The following TRAF7 variants were observed in gnomAD, a reference collection of about 807,000 sequenced individuals.
TRAF7 encodes E3 ubiquitin-protein ligase TRAF7.
In TRAF7, 45 loss-of-function variants were observed where a neutral mutation model predicts 89.3. The observed-to-expected ratio is 0.50, with a 90% CI of 0.40 to 0.65. The LOEUF is 0.65. TRAF7 is among the 30% of genes least tolerant of loss of function. The pLI, the probability that TRAF7 is intolerant of heterozygous loss-of-function variation, is 0.00. For missense variants in TRAF7, 677 were observed against 918.1 expected (o/e 0.74, Z 3.39); for synonymous variants, 406 against 369.2 (o/e 1.10, Z -1.14).
intron 5 of TRAF7, 147 bp from the exon 6 acceptor site, chr16:2,171,117 C>A: frequency 3.0e-6 from 2 of 660,688 alleles, no homozygotes; most frequent in Middle Eastern, 4.1e-4. Flanking sequence ...CCCGATCAAG[C>A]CCCCCAGCTC....
Position 2,176,707 on chromosome 16 carries a change from A to G in TRAF7, c.*133A>G. The G allele has an allele frequency of 7.4e-7, 1 of 1,350,810 alleles. No individual in the cohort carries two copies. Among genetic ancestry groups the G allele is most frequent in the Non-Finnish European group, 1.0e-6 (1 of 962,178 alleles). 83.7% of individuals were successfully genotyped at this position (1,350,810 alleles called of 1,614,324 possible). ...GGTGGACAGGCTCTGGCAGCCGGGC[A>G]GTGCCCTCCCCGTCCCATGCTCGGC... On this transcript the variant is annotated 3_prime_UTR_variant, in exon 21 of 21. Transcript: ENST00000326181.
rs957552585 is a variant in TRAF7, at chr16:2,163,477, C to T, written c.-38-406C>T. Reference sequence around the variant, plus strand: ...GTCCCTGTGTGACTGCGTCCCGCCACGTGGGCCACACCCTGGGCCTACCCA... The same window carrying T: ...GTCCCTGTGTGACTGCGTCCCGCCATGTGGGCCACACCCTGGGCCTACCCA... On this transcript the variant is annotated intron_variant, in intron 1 of 20. Coordinates refer to ENST00000326181, the MANE Select transcript of TRAF7 (RefSeq NM_032271.3). This position sits in a 1 kb window ranked among gnomAD's most constrained non-coding sequence, Gnocchi z 4.3. The T allele has an allele frequency of 5.5e-5, 11 of 201,646 alleles. No individual in the cohort carries two copies. The highest frequency in any genetic ancestry group is 3.7e-4 in the Admixed American group (7 of 18,782). 12.5% of individuals were successfully genotyped at this position (201,646 alleles called of 1,614,324 possible).
At position 2,174,352 on chromosome 16, in the gene TRAF7, G is replaced by A. The variant is rs372081078; in HGVS notation, c.1346+19G>A. 20 of 1,605,150 alleles carry A rather than the reference G, an allele frequency of 1.2e-5. No individual in the cohort carries two copies. The African/African-American group carries it at 1.7e-4, about 14-fold the overall frequency. On this transcript the variant is annotated intron_variant, in intron 14 of 20. Coordinates refer to ENST00000326181, the MANE Select transcript of TRAF7 (RefSeq NM_032271.3). ...TCCAGGGGTGAGTCCAGGCACATGT[G>A]TGATCAGTGATTCCCAGGACAGGAG... is the stretch of plus-strand genomic sequence containing the variant.
At position 2,177,027 on chromosome 16, in the gene TRAF7, G is replaced by T; in HGVS notation, c.*453G>T. The T allele has an allele frequency of 3.1e-6, 1 of 324,778 alleles. No homozygotes were observed. The highest frequency in any genetic ancestry group is 2.0e-5 in the African/African-American group (1 of 48,976). 20.1% of individuals were successfully genotyped at this position (324,778 alleles called of 1,614,324 possible). On this transcript the variant is annotated 3_prime_UTR_variant, in exon 21 of 21. Transcript: ENST00000326181. ...CAGGCACTGGCTGCTGTGAGTGGGG[G>T]GGCATGGGGCAGTTTCCTTTGGTGG...
intron 2 of TRAF7, among the ~76,000 whole-genome samples, 164 bp downstream of exon 2, chr16:2,164,165 C>T (rs112501802): frequency 0.098 from 8,611 of 88,248 alleles, 830 homozygotes; most frequent in African/African-American, 0.33. Context: ...TGTGTGCGCG[C>T]GCGCGCGCGC....
chr16:2,165,681 G>A (rs991703514), intron 2 of TRAF7, among the ~76,000 whole-genome samples, 198 bp from the exon 3 acceptor site: 80 of 146,740 alleles, frequency 5.5e-4, no homozygotes, highest in Admixed American at 1.9e-3. Context: ...ATGGTTAAGC[G>A]TGTTAGCGCT....
rs928189919 is a variant in TRAF7 at position 2,177,788 on chromosome 16, G to T, written c.*1214G>T. On this transcript the variant is annotated 3_prime_UTR_variant, in exon 21 of 21. Coordinates refer to ENST00000326181, the MANE Select transcript of TRAF7 (RefSeq NM_032271.3). ...GCCAGGAGGAGGACACGGCCGCCGA[G>T]AGCAAGGCACAACCTCGAGTTCTTG... is the stretch of plus-strand genomic sequence containing the variant. The T allele has an allele frequency of 4.9e-5, 12 of 245,916 alleles. No individual in the cohort carries two copies. The highest frequency in any genetic ancestry group is 2.7e-4 in the African/African-American group (12 of 45,210). 15.2% of individuals were successfully genotyped at this position (245,916 alleles called of 1,614,324 possible).
chr16:2,164,130 G>T (rs945671126), intron 2 of TRAF7, 129 bp downstream of exon 2: 7 of 747,270 alleles, frequency 9.4e-6, no homozygotes, highest in Admixed American at 8.8e-5. Context: ...GCTCGGTGGG[G>T]GGGGGTGTGG....
At chr16:2,166,821 G>C (rs560127635) in intron 3 of TRAF7, among the ~76,000 whole-genome samples, 1 of 152,244 alleles carries the variant, frequency 6.6e-6, no homozygotes, top group East Asian at 1.9e-4. Flanking sequence ...GAACGCAAGC[G>C]CCGTGCTCAG....
At chr16:2,175,651 G>C (rs751218294) in intron 17 of TRAF7, 29 bp downstream of exon 17, 7 of 1,605,906 alleles carry the variant, frequency 4.4e-6, no homozygotes, top group Non-Finnish European at 5.1e-6. Flanking sequence ...GGTGGCCACA[G>C]GGCCTTGCCT....
At position 2,173,416 on chromosome 16, in the gene TRAF7, G is replaced by A; in HGVS notation, c.1012+17G>A. 1 of 1,612,622 alleles carries A rather than the reference G, an allele frequency of 6.2e-7. No homozygotes were observed. Among genetic ancestry groups the A allele is most frequent in the Non-Finnish European group, 8.5e-7 (1 of 1,179,354 alleles). ...TCAAGTTTGGTGAGGGTGGGCACCG[G>A]GGCAGGCAGGGGCCTGGCCACTGCT... On this transcript the variant is annotated intron_variant, in intron 10 of 20. Transcript: ENST00000326181.
chr16:2,166,507 C>A (rs755808213), intron 3 of TRAF7, among the ~76,000 whole-genome samples: 4 of 152,160 alleles, frequency 2.6e-5, no homozygotes, highest in Admixed American at 2.6e-4. Context: ...CTCCTGGGAT[C>A]AGTCCTGCCA....
chr16:2,173,110 T>A (rs1429139641), intron 9 of TRAF7, 72 bp from the exon 10 acceptor site: 1 of 1,434,802 alleles, frequency 7.0e-7, no homozygotes, highest in Non-Finnish European at 9.5e-7. Context: ...CTGGAGCATT[T>A]GAGGGGGATT....
intron 7 of TRAF7, 81 bp from the exon 8 acceptor site, chr16:2,172,110 C>T: frequency 6.4e-6 from 10 of 1,552,922 alleles, no homozygotes; most frequent in Non-Finnish European, 8.8e-6. Flanking sequence ...AGATCTGGCC[C>T]CCATTAGAGG....
In TRAF7 at chr16:2,171,302, G is replaced by C; in HGVS notation, c.387G>C (p.Leu129=). Residue 129 remains leucine (L), a synonymous_variant, in exon 6 of 21, where the codon CTG becomes CTC. Transcript: ENST00000326181. ...LVFAEQPSVK[L]CCQLCCSVFK... ...TTGCGGAGCAGCCCTCGGTGAAGCTGTGCTGTCAGCTCTGCTGCAGCGTCT... is the reference window on the plus strand; with the variant it reads ...TTGCGGAGCAGCCCTCGGTGAAGCTCTGCTGTCAGCTCTGCTGCAGCGTCT... The C allele has an allele frequency of 1.3e-6, 2 of 1,556,346 alleles. No individual in the cohort carries two copies. The highest frequency in any genetic ancestry group is 8.7e-7 in the Non-Finnish European group (1 of 1,150,584).
intron 2 of TRAF7, 96 bp from the exon 3 acceptor site, chr16:2,165,783 G>A (rs2093083787): frequency 7.0e-7 from 1 of 1,428,578 alleles, no homozygotes; most frequent in Non-Finnish European, 9.8e-7. Context: ...TGCGTGGCCT[G>A]GCCTGGTCGC....
At chr16:2,171,199 G>T in intron 5 of TRAF7, 65 bp from the exon 6 acceptor site, 6 of 1,370,414 alleles carry the variant, frequency 4.4e-6, no homozygotes, top group East Asian at 2.5e-5. Context: ...GCGCCTGGGT[G>T]CCTGGGTGGT....
At position 2,164,007 on chromosome 16, in the gene TRAF7, G is replaced by T. The variant is rs2093067883; in HGVS notation, c.81+6G>T. 1 of 1,604,360 alleles carries T rather than the reference G, an allele frequency of 6.2e-7. No individual in the cohort carries two copies. The highest frequency in any genetic ancestry group is 1.1e-5 in the South Asian group (1 of 90,318). ...CCCCAGACGTCACCACAGGGGTAAG[G>T]GTGTGCCCCTCTGCAAGCCCAACAT... On this transcript the variant is annotated splice_donor_region_variant and intron_variant, in intron 2 of 20. Coordinates refer to ENST00000326181, the MANE Select transcript of TRAF7 (RefSeq NM_032271.3).
intron 14 of TRAF7, among the ~76,000 whole-genome samples, chr16:2,174,689 A>G (rs1377671131): frequency 6.6e-6 from 1 of 152,198 alleles, no homozygotes; most frequent in Non-Finnish European, 1.5e-5. Flanking sequence ...CATAGAGACT[A>G]CGGAGCAACT....
Sources: allele counts gnomAD v4.1 joint callset (sites outside exome capture counted in the v4.1 genomes callset), GRCh38; gene constraint gnomAD v4.1.1; non-coding constraint Gnocchi (gnomAD v3.1); transcripts MANE v1.5; gene names NCBI Gene and HGNC (gene_info 2026-07-23, HGNC 2026-07-21).